Variants in PHACTR4 observed in about 807,000 individuals in gnomAD.
PHACTR4 encodes the protein protein phosphatase 1, regulatory subunit 124.
In PHACTR4, 51 loss-of-function variants were observed where a neutral mutation model predicts 72.7. The observed-to-expected ratio is 0.70, with a 90% CI of 0.56 to 0.89. The LOEUF is 0.89. Ranked by LOEUF, PHACTR4 falls within the 40% of genes least tolerant of loss-of-function variation. The pLI is 0.00. For synonymous variants in PHACTR4, 255 were observed against 302.5 expected (o/e 0.84, Z 1.63); for missense variants, 731 against 861.8 (o/e 0.85, Z 1.90).
chr1:28,383,445 C>T (rs561427398), intron 1 of PHACTR4, among the ~76,000 whole-genome samples: 27 of 152,062 alleles, frequency 1.8e-4, no homozygotes, highest in East Asian at 7.7e-4. Flanking sequence ...TAGAGCAGTG[C>T]GGCCCTTTTA....
At chr1:28,402,272 A>G (rs761680281) in intron 1 of PHACTR4, among the ~76,000 whole-genome samples, 5 of 147,960 alleles carry the variant, frequency 3.4e-5, no homozygotes, top group South Asian at 4.3e-4. Context: ...CTGGGGGGGA[A>G]AAAATTGGGA....
chr1:28,427,069 T>TTG (rs1655916202), intron 2 of PHACTR4, among the ~76,000 whole-genome samples: 1 of 152,214 alleles, frequency 6.6e-6, no homozygotes, highest in Admixed American at 6.5e-5. Flanking sequence ...CATGTGTGGC[T>TTG]AGTGGCCACA....
At chr1:28,399,638 C>T (rs1375184673) in intron 1 of PHACTR4, among the ~76,000 whole-genome samples, 1 of 151,992 alleles carries the variant, frequency 6.6e-6, no homozygotes, top group Non-Finnish European at 1.5e-5. Flanking sequence ...CTTCTAAATG[C>T]AGGGATATAG....
At chr1:28,416,094 C>G (rs770530365) in intron 2 of PHACTR4, among the ~76,000 whole-genome samples, 4 of 152,212 alleles carry the variant, frequency 2.6e-5, no homozygotes, top group African/African-American at 9.6e-5. Context: ...TAACATAGTC[C>G]TTCCCTCCCT....
At chr1:28,381,273 G>A (rs959101640) in intron 1 of PHACTR4, among the ~76,000 whole-genome samples, 2 of 144,274 alleles carry the variant, frequency 1.4e-5, no homozygotes, top group African/African-American at 5.2e-5. Context: ...AAAGTGCTGA[G>A]ATTACAGCCG....
intron 2 of PHACTR4, chr1:28,432,983 C>T: frequency 1.5e-6 from 1 of 676,218 alleles, no homozygotes; most frequent in South Asian, 6.6e-5. Flanking sequence ...TGGACTCAAG[C>T]AACCCCCGCT....
chr1:28,428,571 T>C (rs901578989), intron 2 of PHACTR4, among the ~76,000 whole-genome samples: 4 of 152,242 alleles, frequency 2.6e-5, no homozygotes, highest in Non-Finnish European at 5.9e-5. Context: ...TTTCTCTCGC[T>C]AATAAAAGTC....
At chr1:28,474,223 T>C (rs1182242393) in intron 7 of PHACTR4, 72 bp downstream of exon 7, 6 of 1,408,686 alleles carry the variant, frequency 4.3e-6, no homozygotes, top group South Asian at 4.1e-5. Context: ...AAATTACTTA[T>C]AAAAAGAAAA....
At chr1:28,489,751 A>G (rs754458660) in intron 10 of PHACTR4, 4 of 518,792 alleles carry the variant, frequency 7.7e-6, no homozygotes, top group South Asian at 5.6e-5. Context: ...CTAATCTAGT[A>G]CATATTTCAT....
At chr1:28,387,524 CTAAATT>C (rs1652654560) in intron 1 of PHACTR4, among the ~76,000 whole-genome samples, 1 of 152,080 alleles carries the variant, frequency 6.6e-6, no homozygotes, top group South Asian at 2.1e-4. Flanking sequence ...GTCCCTTCCT[CTAAATT>C]TGAATTTATT....
rs566693781 is a variant in PHACTR4, at chr1:28,479,156, C to T, written c.1607-1295C>T. On this transcript the variant is annotated intron_variant, in intron 8 of 13. Transcript: ENST00000373839. ...CCAGGCATGGCTGGCCACGGTGGCT[C>T]ACACCTATAATCCCAACACTTTGGG... 1.7e-4 allele frequency among the ~76,000 whole-genome samples: 26 copies of T among 151,790 alleles called. 2 individuals are homozygous for T. The South Asian group carries it at 5.0e-3, about 29-fold the overall frequency.
At chr1:28,395,308 T>A (rs1263086264) in intron 1 of PHACTR4, among the ~76,000 whole-genome samples, 2 of 152,170 alleles carry the variant, frequency 1.3e-5, no homozygotes, top group African/African-American at 4.8e-5. Context: ...TTGTGGGTGT[T>A]GATTTTGTCA....
At chr1:28,411,439 A>G (rs1011948007) in intron 2 of PHACTR4, among the ~76,000 whole-genome samples, 14 of 152,240 alleles carry the variant, frequency 9.2e-5, no homozygotes, top group African/African-American at 3.4e-4. Flanking sequence ...GAAATGACTC[A>G]TATTTAACTA....
At chr1:28,438,214 T>C in intron 2 of PHACTR4, 2 of 1,367,786 alleles carry the variant, frequency 1.5e-6, no homozygotes, top group South Asian at 3.4e-5. Flanking sequence ...TCAGGCTGTA[T>C]GGGAAACAGA....
At chr1:28,440,391 A>ATTTTTTTTTTTTTT (rs1414224976) in intron 2 of PHACTR4, among the ~76,000 whole-genome samples, 3 of 89,938 alleles carry the variant, frequency 3.3e-5, no homozygotes, top group African/African-American at 1.0e-4. Context: ...AAATTCATCA[A>ATTTTTTTTTTTTTT]TTCTTTTTTT....
rs1661402763 is a variant in PHACTR4, at chr1:28,497,067, A to G, written c.*518A>G. 1 of 179,828 alleles carries G rather than the reference A, an allele frequency of 5.6e-6. No individual in the cohort carries two copies. Among genetic ancestry groups the G allele is most frequent in the Non-Finnish European group, 1.2e-5 (1 of 85,600 alleles). The allele number at this position is 179,828 out of a possible 1,614,324, so 11.1% of individuals were successfully genotyped here. On this transcript the variant is annotated 3_prime_UTR_variant, in exon 14 of 14. Transcript: ENST00000373839. ...GAAAGCCTTCTTACCACACTGGCATATCAGATGAAAGCATTGCACTGTACC... is the reference window on the plus strand; with the variant it reads ...GAAAGCCTTCTTACCACACTGGCATGTCAGATGAAAGCATTGCACTGTACC...
At position 28,450,974 on chromosome 1, in the gene PHACTR4, C is replaced by CTTTTTTTTTTTTTTTTTTTT. The variant is rs1188704308; in HGVS notation, c.17-8110_17-8091dup. Among the ~76,000 whole-genome samples the CTTTTTTTTTTTTTTTTTTTT allele has an allele frequency of 9.5e-3, 684 of 71,960 alleles. 60 individuals carry two copies. The highest frequency in any genetic ancestry group is 0.014 in the African/African-American group (202 of 14,598). 47.2% of individuals were successfully genotyped at this position (71,960 alleles called of 152,430 possible). On this transcript the variant is annotated intron_variant, in intron 2 of 13. Coordinates refer to ENST00000373839, the MANE Select transcript of PHACTR4 (RefSeq NM_001048183.3). The stretch of plus-strand genomic sequence containing the variant: ...TACAGGCATGTACCACCACACCCAG[C>CTTTTTTTTTTTTTTTTTTTT]TTTTTTTTTTTTTTTTTTTTGTATT...
chr1:28,445,535 T>C (rs1309958720), intron 2 of PHACTR4, among the ~76,000 whole-genome samples: 1 of 152,094 alleles, frequency 6.6e-6, no homozygotes, highest in Non-Finnish European at 1.5e-5. Flanking sequence ...ACTAATTAAC[T>C]TTTCCCCCCA....
At chr1:28,426,152 C>T (rs1380778165) in intron 2 of PHACTR4, among the ~76,000 whole-genome samples, 2 of 149,842 alleles carry the variant, frequency 1.3e-5, no homozygotes, top group African/African-American at 2.5e-5. Flanking sequence ...ACCCGGGAGG[C>T]GGAGGTTGCG....
Sources: gnomAD v4.1 joint callset for allele counts (sites outside exome capture counted in the v4.1 genomes callset) on GRCh38, gnomAD v4.1.1 for gene constraint, MANE v1.5 for transcripts, NCBI Gene and HGNC (gene_info 2026-07-23, HGNC 2026-07-21) for gene names.